The following MYCBP2 variants were observed in gnomAD, a reference collection of about 807,000 sequenced individuals.
The protein encoded by MYCBP2 is MYC binding protein 2, also known as E3 ubiquitin-protein ligase MYCBP2.
Under a neutral mutation model 525.3 loss-of-function variants are expected in MYCBP2, and 120 were observed. The ratio of observed to expected loss-of-function variants is 0.23; its 90% confidence interval spans 0.20 to 0.27. MYCBP2 has a LOEUF of 0.27. Ranked by LOEUF, MYCBP2 falls within the 10% of genes least tolerant of loss-of-function variation. The pLI, the probability that MYCBP2 is intolerant of heterozygous loss-of-function variation, is 1.00. For synonymous variants in MYCBP2, 1,894 were observed against 1,955.8 expected, an observed-to-expected ratio of 0.97 and a Z score of 0.83; for missense variants, 4,149 against 5,657.1, an observed-to-expected ratio of 0.73 and a Z score of 8.55.
Position 77,214,078 on chromosome 13 carries a change from G to A in MYCBP2, c.3058-1918C>T, listed in dbSNP as rs558493498. Reference sequence around the variant, plus strand: ...ATGCCAAAATACTAAATATGGATCCGAACTTTGAGGATCAGAGCACCAACT... The same window carrying A: ...ATGCCAAAATACTAAATATGGATCCAAACTTTGAGGATCAGAGCACCAACT... On this transcript the variant is annotated intron_variant, in intron 21 of 82. Coordinates refer to ENST00000544440, the MANE Select transcript of MYCBP2 (RefSeq NM_015057.5). Among the ~76,000 whole-genome samples, 6 of 152,286 alleles carry A rather than the reference G, an allele frequency of 3.9e-5. No homozygotes were observed. In the East Asian group the frequency reaches 5.8e-4, roughly 15 times the overall value.
chr13:77,123,414 C>T (rs1293375315), intron 54 of MYCBP2, among the ~76,000 whole-genome samples: 8 of 152,124 alleles, frequency 5.3e-5, no homozygotes, highest in Admixed American at 5.2e-4. Context: ...TTGAAAGAAG[C>T]TTCTATCTTC....
chr13:77,139,053 A>T, intron 52 of MYCBP2, 143 bp downstream of exon 52: 1 of 887,146 alleles, frequency 1.1e-6, no homozygotes, highest in Non-Finnish European at 1.6e-6. Flanking sequence ...CATTACACAG[A>T]AGCCCTTAAG....
chr13:77,131,505 C>CAT (rs1004636967), intron 52 of MYCBP2, among the ~76,000 whole-genome samples: 1 of 85,626 alleles, frequency 1.2e-5, no homozygotes, highest in African/African-American at 3.2e-5. Flanking sequence ...CACACACACA[C>CAT]ACACACAAAC....
chr13:77,129,862 T>A (rs1310796106), intron 52 of MYCBP2: 2 of 151,860 alleles, frequency 1.3e-5, no homozygotes, highest in African/African-American at 2.4e-5. Context: ...ATACAATCAA[T>A]TTTTTATCAA....
At position 77,144,407 on chromosome 13, in the gene MYCBP2, T is replaced by C. The variant is rs981874872; in HGVS notation, c.7303+38A>G. 7 of 1,383,614 alleles carry C rather than the reference T, an allele frequency of 5.1e-6. No homozygotes were observed. In the South Asian group the frequency reaches 5.9e-5, roughly 12 times the overall value. The allele number at this position is 1,383,614 out of a possible 1,614,324, so 85.7% of individuals were successfully genotyped here. A position where few individuals can be genotyped will look rare whatever the true frequency, so the allele number is the denominator to read the frequency against. ...TAAAAATAATTTTGACTCTAGTTAT[T>C]TGAAGTAAGTAGTAGCTCATGGCTT... On this transcript the variant is annotated intron_variant, in intron 49 of 82. Transcript: ENST00000544440.
intron 26 of MYCBP2, among the ~76,000 whole-genome samples, chr13:77,199,434 T>C (rs2062180384): frequency 6.6e-6 from 1 of 152,086 alleles, no homozygotes; most frequent in Non-Finnish European, 1.5e-5. Flanking sequence ...CAGTCTGAGA[T>C]CAAACTGCAA....
In MYCBP2 at chr13:77,278,828, G is replaced by A; in HGVS notation, c.678C>T (p.Leu226=). The A allele has an allele frequency of 6.2e-7, 1 of 1,605,034 alleles. No individual in the cohort carries two copies. The highest frequency in any genetic ancestry group is 8.5e-7 in the Non-Finnish European group (1 of 1,175,832). Residue 226 remains leucine, a synonymous_variant, in exon 4 of 83, where the codon CTC becomes CTT. Transcript: ENST00000544440. ...FSHPSLCLRS[L]QALLNVLQGQ... Reference sequence around the variant, plus strand: ...CCTGCAGCACGTTGAGCAGGGCTTGGAGACTCCTGAGACACAGGGATGGAT... The same window carrying A: ...CCTGCAGCACGTTGAGCAGGGCTTGAAGACTCCTGAGACACAGGGATGGAT...
chr13:77,124,423 C>A (rs1037587134), intron 54 of MYCBP2, among the ~76,000 whole-genome samples: 30 of 152,110 alleles, frequency 2.0e-4, no homozygotes, highest in African/African-American at 7.2e-4. Context: ...GATGCATGTT[C>A]TCTTATTTAC....
intron 62 of MYCBP2, among the ~76,000 whole-genome samples, chr13:77,085,391 T>G (rs1318931267): frequency 1.3e-5 from 2 of 152,292 alleles, no homozygotes; most frequent in Admixed American, 1.3e-4. Context: ...TGTGTGTATC[T>G]GAAAAGAATG....
At chr13:77,149,434 G>C (rs1166547736) in intron 47 of MYCBP2, among the ~76,000 whole-genome samples, 3 of 151,556 alleles carry the variant, frequency 2.0e-5, no homozygotes, top group Non-Finnish European at 4.4e-5. Context: ...ATGTAGAGAA[G>C]AGTCTGAGAC....
intron 3 of MYCBP2, among the ~76,000 whole-genome samples, chr13:77,281,722 T>C (rs1370312077): frequency 6.6e-6 from 1 of 152,182 alleles, no homozygotes; most frequent in East Asian, 1.9e-4. Context: ...TAAAGAGTCT[T>C]TCAAGGTTTT....
In MYCBP2 at chr13:77,243,050, A is replaced by G. The variant is rs571747607; in HGVS notation, c.2629+9T>C. ...TTTCATGTACTTTTTCTCTGTAGCTACATCTTACCTCTTCCTTCCTCTAAT... is the reference window on the plus strand; with the variant it reads ...TTTCATGTACTTTTTCTCTGTAGCTGCATCTTACCTCTTCCTTCCTCTAAT... On this transcript the variant is annotated intron_variant, in intron 17 of 82. Coordinates refer to ENST00000544440, the MANE Select transcript of MYCBP2 (RefSeq NM_015057.5). 5 of 1,612,250 alleles carry G rather than the reference A, an allele frequency of 3.1e-6. No homozygotes were observed. The East Asian group carries it at 1.1e-4, about 36-fold the overall frequency.
chr13:77,048,954 G>C (rs1219284492), intron 82 of MYCBP2, among the ~76,000 whole-genome samples: 1 of 152,150 alleles, frequency 6.6e-6, no homozygotes, highest in African/African-American at 2.4e-5. Context: ...GATTTCCCCT[G>C]AAGATACTGC....
At position 77,296,688 on chromosome 13, in the gene MYCBP2, G is replaced by T; in HGVS notation, c.303-14C>A. 7.6e-7 allele frequency: 1 copy of T among 1,316,690 alleles called. No homozygotes were observed. Among genetic ancestry groups the T allele is most frequent in the Non-Finnish European group, 1.0e-6 (1 of 964,428 alleles). The allele number at this position is 1,316,690 out of a possible 1,614,324, so 81.6% of individuals were successfully genotyped here. On this transcript the variant is annotated splice_polypyrimidine_tract_variant and intron_variant, in intron 1 of 82. Transcript: ENST00000544440. ...ATTTTCTTATTCCTAAATATTAAAA[G>T]AAAAATGGGAAAAAAATATGAATGT...
Position 77,146,158 on chromosome 13 carries a change from T to C in MYCBP2, c.7187+4A>G. On this transcript the variant is annotated splice_donor_region_variant and intron_variant, in intron 48 of 82. Coordinates refer to ENST00000544440, the MANE Select transcript of MYCBP2 (RefSeq NM_015057.5). ...TGGTTATACTTTGAGAAAACGATCC[T>C]TACCTCTTAGGAGTTGGTGATGCAA... is the stretch of plus-strand genomic sequence containing the variant. 6.3e-7 allele frequency: 1 copy of C among 1,581,526 alleles called. No individual in the cohort carries two copies. The highest frequency in any genetic ancestry group is 8.6e-7 in the Non-Finnish European group (1 of 1,165,116).
chr13:77,139,459 G>T (rs1334431038), intron 51 of MYCBP2, 123 bp from the exon 52 acceptor site: 7 of 1,108,514 alleles, frequency 6.3e-6, no homozygotes, highest in Non-Finnish European at 3.7e-6. Flanking sequence ...TCTAGTTTTT[G>T]CAGAAAGTAA....
intron 55 of MYCBP2, among the ~76,000 whole-genome samples, chr13:77,104,775 A>G (rs2047605518): frequency 6.6e-6 from 1 of 152,164 alleles, no homozygotes; most frequent in African/African-American, 2.4e-5. Context: ...TGACTACAGC[A>G]GTTTCCGAGG....
intron 28 of MYCBP2, 137 bp from the exon 29 acceptor site, chr13:77,190,472 C>G (rs1056079671): frequency 3.4e-5 from 20 of 581,354 alleles, no homozygotes; most frequent in Middle Eastern, 4.4e-4. Flanking sequence ...AAGGTATTTT[C>G]TAGATTTTCA....
In MYCBP2 at chr13:77,097,859, T is replaced by C. The variant is rs769231999; in HGVS notation, c.9295A>G (p.Met3099Val). Residue 3099 changes from methionine (M) to valine (V), a missense_variant, in exon 56 of 83, where the codon ATG becomes GTG. Around this residue, in one of 21 missense-constraint regions of MYCBP2, gnomAD observed 653 missense variants for 744.7 expected, o/e 0.88. Coordinates refer to ENST00000544440, the MANE Select transcript of MYCBP2 (RefSeq NM_015057.5). ...GGTCCATGGGGTGCAATATTAAACATATTCAGTGCAGATGATATTTCTAAT... is the reference window on the plus strand; with the variant it reads ...GGTCCATGGGGTGCAATATTAAACACATTCAGTGCAGATGATATTTCTAAT... ...HSLEISSALN[M>V]FNIAPHGPDI... is the part of the protein sequence containing the mutation. 6.2e-7 allele frequency: 1 copy of C among 1,613,506 alleles called. No homozygotes were observed. The highest frequency in any genetic ancestry group is 1.1e-5 in the South Asian group (1 of 91,034).
Sources: allele counts gnomAD v4.1 joint callset (sites outside exome capture counted in the v4.1 genomes callset), GRCh38; gene constraint gnomAD v4.1.1; regional missense constraint gnomAD v4.1.1; transcripts MANE v1.5; gene names NCBI Gene and HGNC (gene_info 2026-07-23, HGNC 2026-07-21).